FRMPD4: variants seen among roughly 807,000 people sequenced by gnomAD.
The protein encoded by FRMPD4 is FERM and PDZ domain-containing protein 4.
Under a neutral mutation model 94.1 loss-of-function variants are expected in FRMPD4, and 22 were observed. The observed-to-expected ratio is 0.23, with a 90% confidence interval of 0.17 to 0.33. FRMPD4 has a LOEUF of 0.33. Among genes scored for constraint, FRMPD4 ranks in the 10% least tolerant of loss-of-function variants. The probability of loss-of-function intolerance (pLI) is 1.00; values close to 1 mark genes in which losing one functional copy is unlikely to be tolerated. For missense variants in FRMPD4, 1,111 were observed against 1,339.9 expected (o/e 0.83, Z 2.67); for synonymous variants, 631 against 548.6 (o/e 1.15, Z -2.10).
chrX:12,621,968 G>GAAAGAAAGAAAGAAAGAA (rs1182948328), intron 4 of FRMPD4, among the ~76,000 whole-genome samples: 1 of 41,077 alleles, frequency 2.4e-5, no homozygotes, highest in African/African-American at 1.1e-4. Flanking sequence ...AAGAAAGAAA[G>GAAAGAAAGAAAGAAAGAA]AGAAAGAAAG....
intron 2 of FRMPD4, among the ~76,000 whole-genome samples, chrX:12,510,270 CATTAGGTAAAACCTAAAGAA>C (rs1206666342): frequency 8.9e-6 from 1 of 112,261 alleles, no homozygotes; most frequent in East Asian, 2.8e-4. Flanking sequence ...AAATAAAGGA[CATTAGGTAAAACCTAAAGAA>C]ATCTGAATAA....
intron 3 of FRMPD4, among the ~76,000 whole-genome samples, chrX:11,910,521 C>CTTG (rs1458462551): frequency 3.6e-5 from 4 of 111,159 alleles, no homozygotes; most frequent in African/African-American, 1.3e-4. Flanking sequence ...TCAAGCTATT[C>CTTG]TTGTGCCTCA....
At chrX:12,288,961 G>T (rs1352387093) in intron 1 of FRMPD4, among the ~76,000 whole-genome samples, 10 of 112,304 alleles carry the variant, frequency 8.9e-5, no homozygotes, top group African/African-American at 3.2e-4. Context: ...TCAGCACAGT[G>T]CTAGGAGGAG....
At chrX:12,316,392 A>G (rs1315545917) in intron 1 of FRMPD4, among the ~76,000 whole-genome samples, 1 of 110,328 alleles carries the variant, frequency 9.1e-6, no homozygotes, top group Non-Finnish European at 1.9e-5. Flanking sequence ...ATCTCAGGTG[A>G]TCCACCCGCC....
intron 3 of FRMPD4, among the ~76,000 whole-genome samples, chrX:11,914,291 CTTTTT>C (rs57258573): frequency 1.1e-5 from 1 of 89,218 alleles, no homozygotes. Context: ...ACTTTTTTTT[CTTTTT>C]TTTTTTTTTT....
At chrX:12,447,336 C>T (rs548656928) in intron 1 of FRMPD4, among the ~76,000 whole-genome samples, 3 of 111,859 alleles carry the variant, frequency 2.7e-5, no homozygotes, top group African/African-American at 9.8e-5. Flanking sequence ...TTTCACCCCC[C>T]AGTTGTGACA....
chrX:11,897,873 G>A (rs2053912884), intron 3 of FRMPD4, among the ~76,000 whole-genome samples: 1 of 112,010 alleles, frequency 8.9e-6, no homozygotes, highest in South Asian at 3.7e-4. Context: ...ACCGGGGCTG[G>A]CTAAGGGAAT....
intron 3 of FRMPD4, among the ~76,000 whole-genome samples, chrX:12,045,759 A>G (rs1173601472): frequency 2.7e-5 from 3 of 111,834 alleles, no homozygotes; most frequent in African/African-American, 9.7e-5. Flanking sequence ...ACAGAAGATG[A>G]AAAAAATCAC....
intron 1 of FRMPD4, among the ~76,000 whole-genome samples, chrX:12,167,909 T>A (rs1045909203): frequency 9.0e-6 from 1 of 111,448 alleles, no homozygotes; most frequent in Non-Finnish European, 1.9e-5. Flanking sequence ...TTTGAGTAAG[T>A]CGCTTGTTCT....
At chrX:12,692,113 T>C (rs982947381) in intron 8 of FRMPD4, among the ~76,000 whole-genome samples, 1 of 112,625 alleles carries the variant, frequency 8.9e-6, no homozygotes, top group Non-Finnish European at 1.9e-5. Flanking sequence ...GAAAGCTTCA[T>C]GCTGATTTAG....
chrX:12,104,047 G>T (rs2055275828), intron 3 of FRMPD4, among the ~76,000 whole-genome samples: 2 of 111,990 alleles, frequency 1.8e-5, no homozygotes, highest in Non-Finnish European at 3.8e-5. Context: ...TCATCCCATG[G>T]CAGAAGTCAT....
intron 1 of FRMPD4, among the ~76,000 whole-genome samples, chrX:11,830,732 C>T (rs1307880280): frequency 2.7e-5 from 3 of 111,629 alleles, no homozygotes; most frequent in Admixed American, 9.5e-5. Context: ...TTTACCCTCC[C>T]CCGTCATGTC....
At chrX:12,541,748 G>A (rs1283195388) in intron 2 of FRMPD4, among the ~76,000 whole-genome samples, 1 of 111,682 alleles carries the variant, frequency 9.0e-6, no homozygotes, top group Non-Finnish European at 1.9e-5. Flanking sequence ...TATGAGGCCA[G>A]CATCATCCTG....
intron 1 of FRMPD4, among the ~76,000 whole-genome samples, chrX:12,168,122 T>G (rs2056153974): frequency 9.0e-6 from 1 of 111,015 alleles, no homozygotes; most frequent in South Asian, 3.9e-4. Flanking sequence ...ACTCAAAAAG[T>G]CAGCACTGCC....
intron 3 of FRMPD4, among the ~76,000 whole-genome samples, chrX:11,946,308 A>G (rs988707010): frequency 1.8e-5 from 2 of 111,749 alleles, no homozygotes; most frequent in African/African-American, 6.5e-5. Flanking sequence ...TGGCTATGGA[A>G]ATCCAAAGTG....
At chrX:12,069,088 C>T (rs757518569) in intron 3 of FRMPD4, among the ~76,000 whole-genome samples, 27 of 111,639 alleles carry the variant, frequency 2.4e-4, no homozygotes, top group African/African-American at 7.5e-4. Flanking sequence ...TCTCCAATAG[C>T]GTAACATTTG....
chrX:12,593,341 A>G (rs1172107260), intron 2 of FRMPD4, among the ~76,000 whole-genome samples: 2 of 112,014 alleles, frequency 1.8e-5, no homozygotes, highest in Non-Finnish European at 3.8e-5. Context: ...TCATTCATTT[A>G]TCCTCAATGT....
chrX:12,450,055 T>C (rs1441985487), intron 1 of FRMPD4, among the ~76,000 whole-genome samples: 2 of 110,104 alleles, frequency 1.8e-5, no homozygotes, highest in East Asian at 5.7e-4. Context: ...TTTATTCCTG[T>C]GAAGAGATTT....
At chrX:11,843,619 A>G (rs779907264) in intron 1 of FRMPD4, among the ~76,000 whole-genome samples, 7 of 109,300 alleles carry the variant, frequency 6.4e-5, no homozygotes, top group Admixed American at 2.0e-4. Flanking sequence ...GCACACTGGT[A>G]TGAGTATAGT....
Sources: gnomAD v4.1 joint callset for allele counts (sites outside exome capture counted in the v4.1 genomes callset) on GRCh38, gnomAD v4.1.1 for gene constraint, MANE v1.5 for transcripts, NCBI Gene and HGNC (gene_info 2026-07-23, HGNC 2026-07-21) for gene names.